Variants in GRIP1 observed in about 807,000 individuals in gnomAD.
GRIP1 encodes the protein glutamate receptor interacting protein 1.
A neutral mutation model predicts 129.9 loss-of-function variants in GRIP1; 45 were observed. The ratio of observed to expected loss-of-function variants is 0.35; its 90% CI spans 0.27 to 0.44. The LOEUF is 0.44. Ranked by LOEUF, GRIP1 falls within the 20% of genes least tolerant of loss-of-function variation. The pLI is 1.00. For missense variants in GRIP1, 1,196 were observed against 1,396.8 expected (o/e 0.86, Z 2.29); for synonymous variants, 530 against 520.8 (o/e 1.02, Z -0.24).
chr12:66,378,410 C>T (rs1169287605), intron 20 of GRIP1, among the ~76,000 whole-genome samples: 3 of 151,894 alleles, frequency 2.0e-5, no homozygotes, highest in African/African-American at 7.3e-5. Flanking sequence ...TGAGATCATA[C>T]CACTGCACTC....
intron 1 of GRIP1, among the ~76,000 whole-genome samples, chr12:66,688,498 T>C (rs2034860878): frequency 1.3e-5 from 2 of 152,122 alleles, no homozygotes. Context: ...ATTTGTAATA[T>C]AGTTATATAA....
chr12:67,004,356 G>A (rs1023842405), intron 1 of GRIP1, among the ~76,000 whole-genome samples: 9 of 152,204 alleles, frequency 5.9e-5, no homozygotes, highest in South Asian at 2.1e-4. Flanking sequence ...AGTTGTAACA[G>A]TCACCCTGAG....
intron 7 of GRIP1, among the ~76,000 whole-genome samples, chr12:66,496,699 A>G (rs940002275): frequency 6.6e-6 from 1 of 152,184 alleles, no homozygotes; most frequent in Non-Finnish European, 1.5e-5. Flanking sequence ...GTAGGAAGTC[A>G]TCTCTTGGTA....
chr12:66,504,185 C>A (rs1318656292), intron 7 of GRIP1, among the ~76,000 whole-genome samples: 1 of 152,016 alleles, frequency 6.6e-6, no homozygotes, highest in African/African-American at 2.4e-5. Flanking sequence ...TAAGAGTAAC[C>A]CAATATTTAG....
chr12:67,066,518 G>A (rs930050538), intron 1 of GRIP1, among the ~76,000 whole-genome samples: 1 of 152,132 alleles, frequency 6.6e-6, no homozygotes, highest in Admixed American at 6.5e-5. Flanking sequence ...AATGTGGAAA[G>A]CGCAGTGGTT....
chr12:66,610,226 G>A (rs1477275793), intron 1 of GRIP1, among the ~76,000 whole-genome samples: 5 of 150,994 alleles, frequency 3.3e-5, no homozygotes, highest in African/African-American at 9.7e-5. Context: ...ATACACACAC[G>A]CATATATATA....
chr12:66,553,683 A>G (rs2139333235), intron 2 of GRIP1, among the ~76,000 whole-genome samples: 1 of 151,922 alleles, frequency 6.6e-6, no homozygotes, highest in South Asian at 2.1e-4. Context: ...AACAGTCTTG[A>G]ATTGCCGATG....
intron 1 of GRIP1, among the ~76,000 whole-genome samples, chr12:67,058,702 T>C (rs1363174661): frequency 6.6e-6 from 1 of 152,264 alleles, no homozygotes; most frequent in Non-Finnish European, 1.5e-5. Flanking sequence ...AGCGATGTCA[T>C]CTCTAAGCTG....
intron 1 of GRIP1, among the ~76,000 whole-genome samples, chr12:66,924,268 C>T (rs570975477): frequency 6.6e-6 from 1 of 152,178 alleles, no homozygotes; most frequent in South Asian, 2.1e-4. Context: ...TCATATCTGT[C>T]AATATCACCA....
intron 2 of GRIP1, among the ~76,000 whole-genome samples, chr12:66,566,742 C>A (rs1468722064): frequency 6.6e-6 from 1 of 151,994 alleles, no homozygotes; most frequent in Non-Finnish European, 1.5e-5. Context: ...GGCTGTGAAT[C>A]CGTCTTCCAA....
At chr12:66,626,980 C>A (rs2030149543) in intron 1 of GRIP1, among the ~76,000 whole-genome samples, 1 of 152,112 alleles carries the variant, frequency 6.6e-6, no homozygotes, top group African/African-American at 2.4e-5. Flanking sequence ...ACTGTGCCTT[C>A]CCATTTTCTA....
intron 1 of GRIP1, among the ~76,000 whole-genome samples, chr12:66,872,197 G>A (rs2040307659): frequency 6.6e-6 from 1 of 152,020 alleles, no homozygotes. Flanking sequence ...CTTTGGTTTG[G>A]AAGCAAGAAA....
chr12:66,956,396 A>C (rs1255471345), intron 1 of GRIP1, among the ~76,000 whole-genome samples: 1 of 152,166 alleles, frequency 6.6e-6, no homozygotes, highest in Non-Finnish European at 1.5e-5. Flanking sequence ...GGAGTAGATG[A>C]TATCAGCAGG....
At chr12:67,053,714 T>G (rs1041146759) in intron 1 of GRIP1, among the ~76,000 whole-genome samples, 1 of 151,984 alleles carries the variant, frequency 6.6e-6, no homozygotes, top group African/African-American at 2.4e-5. Context: ...GGTGTGTACC[T>G]GTAATCCCAG....
intron 7 of GRIP1, among the ~76,000 whole-genome samples, chr12:66,501,628 A>G (rs538355297): frequency 2.0e-5 from 3 of 152,320 alleles, no homozygotes; most frequent in Admixed American, 6.5e-5. Flanking sequence ...TAACTAATAC[A>G]TATACATGAC....
chr12:66,592,670 G>A (rs1313361584), intron 2 of GRIP1, among the ~76,000 whole-genome samples: 1 of 152,164 alleles, frequency 6.6e-6, no homozygotes, highest in Non-Finnish European at 1.5e-5. Context: ...AGGCTTTGAG[G>A]TCAAGTGTAG....
rs115766765 is a variant in GRIP1 at position 66,592,572 on chromosome 12, T to C, written c.136+4275A>G. ...GCATTTGTCAATTGTCCAGAATTCT[T>C]TGGGCAATTAATCAAGAGTGACATA... is the stretch of plus-strand genomic sequence containing the variant. On this transcript the variant is annotated intron_variant, in intron 2 of 24. Coordinates refer to ENST00000359742, the MANE Select transcript of GRIP1 (RefSeq NM_001366722.1). Among the ~76,000 whole-genome samples, 243 of 152,304 alleles carry C rather than the reference T, an allele frequency of 1.6e-3. 1 individual carries two copies. The highest frequency in any genetic ancestry group is 5.7e-3 in the African/African-American group (235 of 41,572).
chr12:67,052,703 T>C (rs2043366113), intron 1 of GRIP1, among the ~76,000 whole-genome samples: 1 of 133,836 alleles, frequency 7.5e-6, no homozygotes, highest in Admixed American at 9.4e-5. Context: ...GAGCTTGCAG[T>C]GAGCCAAGAT....
intron 1 of GRIP1, among the ~76,000 whole-genome samples, chr12:66,778,382 T>A (rs1402584513): frequency 1.3e-5 from 2 of 152,210 alleles, no homozygotes; most frequent in Admixed American, 1.3e-4. Context: ...TCTCTGAGCC[T>A]TAGTTTCCTT....
Sources: gnomAD v4.1 joint callset for allele counts (sites outside exome capture counted in the v4.1 genomes callset) on GRCh38, gnomAD v4.1.1 for gene constraint, MANE v1.5 for transcripts, NCBI Gene and HGNC (gene_info 2026-07-23, HGNC 2026-07-21) for gene names.